PDCD2: variants seen among roughly 807,000 people sequenced by gnomAD.
PDCD2 encodes the protein programmed cell death 2, also known as uS5 assembly chaperone PDCD2.
In PDCD2, 38 loss-of-function variants were observed where a neutral mutation model predicts 38.1. The ratio of observed to expected loss-of-function variants is 1.00; its 90% CI spans 0.77 to 1.31. PDCD2 has a LOEUF of 1.31. Ranked by LOEUF, PDCD2 falls within the 50% of genes most tolerant of loss-of-function variation. PDCD2 has a pLI of 0.00. For missense variants in PDCD2, 473 were observed against 435.7 expected, an observed-to-expected ratio of 1.09 and a Z score of -0.76; for synonymous variants, 205 against 168.9, an observed-to-expected ratio of 1.21 and a Z score of -1.66.
Position 170,583,609 on chromosome 6 carries a change from A to T in PDCD2, c.422T>A (p.Leu141Ter), listed in dbSNP as rs779072921. The change falls in exon 2 of 6, where the codon TTA (leucine) becomes TAA (stop). Residue 141 changes from leucine (L) to a stop codon, truncating the protein, a stop_gained. Coordinates refer to ENST00000541970, the MANE Select transcript of PDCD2 (RefSeq NM_002598.4). LOFTEE classifies it high-confidence loss of function. ...GAHLCRVCGCLGPKTCSRCHK... is the reference protein window; with the variant it reads ...GAHLCRVCGC ...GCATCTGGAGCACGTTTTGGGGCCTAAACAGCCACAAACCCTGCAGAGATG... is the reference window on the plus strand; with the variant it reads ...GCATCTGGAGCACGTTTTGGGGCCTTAACAGCCACAAACCCTGCAGAGATG... 1 of 1,613,996 alleles carries T rather than the reference A, an allele frequency of 6.2e-7. No homozygotes were observed. The highest frequency in any genetic ancestry group is 8.5e-7 in the Non-Finnish European group (1 of 1,179,886).
rs778241526 is a variant in PDCD2, at chr6:170,583,011, G to C, written c.658+46C>G. The stretch of plus-strand genomic sequence containing the variant: ...AGGCACATGGAGCCCTTTCTTCCAA[G>C]TATTATGTTTAACCACTTAATGAAT... On this transcript the variant is annotated intron_variant, in intron 3 of 5. Coordinates refer to ENST00000541970, the MANE Select transcript of PDCD2 (RefSeq NM_002598.4). 31 of 1,586,652 alleles carry C rather than the reference G, an allele frequency of 2.0e-5. 1 individual carries two copies. In the African/African-American group the frequency reaches 3.9e-4, roughly 20 times the overall value.
In PDCD2 at chr6:170,575,684, T is replaced by G. The variant is rs763472894; in HGVS notation, c.*1875A>C. Reference sequence around the variant, plus strand: ...GATGCCAAGTCGGTGCTGTGAGATTTTCTTTCTGGTGATTTGGACCAGTTT... The same window carrying G: ...GATGCCAAGTCGGTGCTGTGAGATTGTCTTTCTGGTGATTTGGACCAGTTT... On this transcript the variant is annotated 3_prime_UTR_variant, in exon 6 of 6. Coordinates refer to ENST00000541970, the MANE Select transcript of PDCD2 (RefSeq NM_002598.4). 6.6e-6 allele frequency: 1 copy of G among 152,256 alleles called. No individual in the cohort carries two copies. The highest frequency in any genetic ancestry group is 2.4e-5 in the African/African-American group (1 of 41,468). 9.4% of individuals were successfully genotyped at this position (152,256 alleles called of 1,614,324 possible). A position where few individuals can be genotyped will look rare whatever the true frequency, so the allele number is the denominator to read the frequency against.
chr6:170,580,368 G>C (rs905197745), intron 3 of PDCD2, among the ~76,000 whole-genome samples: 7 of 152,194 alleles, frequency 4.6e-5, no homozygotes, highest in African/African-American at 1.4e-4. Flanking sequence ...CAACAAATGT[G>C]AGCCCTTATC....
At position 170,575,418 on chromosome 6, in the gene PDCD2, C is replaced by A. The variant is rs1375872006; in HGVS notation, c.*2141G>T. ...CTGCTCTCTACAGCAGAGGGAGCTG[C>A]TGTGGCTGGACAGTATCTGAACCAA... On this transcript the variant is annotated 3_prime_UTR_variant, in exon 6 of 6. Transcript: ENST00000541970. 4 of 152,008 alleles carry A rather than the reference C, an allele frequency of 2.6e-5. No individual in the cohort carries two copies. The highest frequency in any genetic ancestry group is 9.7e-5 in the African/African-American group (4 of 41,368). 9.4% of individuals were successfully genotyped at this position (152,008 alleles called of 1,614,324 possible).
intron 3 of PDCD2, chr6:170,582,418 A>C (rs2115016197): frequency 2.1e-6 from 3 of 1,457,476 alleles, no homozygotes; most frequent in Non-Finnish European, 2.7e-6. Context: ...TCAAGGCTCA[A>C]ATTGTAAAAT....
Position 170,584,284 on chromosome 6 carries a change from C to T in PDCD2, c.283+15G>A. On this transcript the variant is annotated intron_variant, in intron 1 of 5. Coordinates refer to ENST00000541970, the MANE Select transcript of PDCD2 (RefSeq NM_002598.4). Reference sequence around the variant, plus strand: ...CGGAGGCATGGCCCCGTCCCGACCCCGTTTGGCGGCTCACCTCGCAGGCCG... The same window carrying T: ...CGGAGGCATGGCCCCGTCCCGACCCTGTTTGGCGGCTCACCTCGCAGGCCG... The T allele has an allele frequency of 7.1e-7, 1 of 1,414,678 alleles. No individual in the cohort carries two copies. Among genetic ancestry groups the T allele is most frequent in the Non-Finnish European group, 9.2e-7 (1 of 1,088,048 alleles). The allele number at this position is 1,414,678 out of a possible 1,614,324, so 87.6% of individuals were successfully genotyped here.
rs1000566871 is a variant in PDCD2, at chr6:170,578,674, A to G, written c.876+183T>C. 1.1e-5 allele frequency: 8 copies of G among 704,682 alleles called. No homozygotes were observed. In the Admixed American group the frequency reaches 1.6e-4, roughly 14 times the overall value. The allele number at this position is 704,682 out of a possible 1,614,324, so 43.7% of individuals were successfully genotyped here. ...TCTGAAAACTAGGAAACAGAAAAAA[A>G]CAAGACAGTTCCTTCCAGGGAACTA... On this transcript the variant is annotated intron_variant, in intron 5 of 5. Transcript: ENST00000541970.
chr6:170,584,545 A>C lies in PDCD2; in HGVS notation c.37T>G (p.Phe13Val), dbSNP rs548662103. The C allele has an allele frequency of 3.7e-6, 5 of 1,358,612 alleles. No homozygotes were observed. In the African/African-American group the frequency reaches 7.6e-5, roughly 21 times the overall value. 84.2% of individuals were successfully genotyped at this position (1,358,612 alleles called of 1,614,324 possible). A position where few individuals can be genotyped will look rare whatever the true frequency, so the allele number is the denominator to read the frequency against. ...AAGARPVELG[F>V]AESAPAWRLR... Reference sequence around the variant, plus strand: ...CGCCACGCCGGCGCCGACTCGGCGAAGCCCAGCTCCACAGGCCTGGCCCCG... The same window carrying C: ...CGCCACGCCGGCGCCGACTCGGCGACGCCCAGCTCCACAGGCCTGGCCCCG... The change falls in exon 1 of 6, where the codon TTC (phenylalanine) becomes GTC (valine). Residue 13 changes from phenylalanine to valine, a missense_variant. Phe to Val is a conservative substitution (Grantham distance 50, BLOSUM62 -1). Transcript: ENST00000541970.
chr6:170,583,930 C>G lies in PDCD2; in HGVS notation c.284-183G>C, dbSNP rs1779715915. ...CCGGTACACGCAACTGAGTTGCCTC[C>G]TAGAGGTGGTTTGAGTTAATCAAAT... On this transcript the variant is annotated intron_variant, in intron 1 of 5. Transcript: ENST00000541970. 3 of 611,506 alleles carry G rather than the reference C, an allele frequency of 4.9e-6. No homozygotes were observed. In the African/African-American group the frequency reaches 5.6e-5, roughly 11 times the overall value. 37.9% of individuals were successfully genotyped at this position (611,506 alleles called of 1,614,324 possible). A position where few individuals can be genotyped will look rare whatever the true frequency, so the allele number is the denominator to read the frequency against.
rs558869323 is a variant in PDCD2, at chr6:170,575,627, T to C, written c.*1932A>G. Reference sequence around the variant, plus strand: ...TTTAAATTTTTTATGTTGTACAGTTTATTTTAAATATAGTTGCTATTTTTT... The same window carrying C: ...TTTAAATTTTTTATGTTGTACAGTTCATTTTAAATATAGTTGCTATTTTTT... On this transcript the variant is annotated 3_prime_UTR_variant, in exon 6 of 6. Coordinates refer to ENST00000541970, the MANE Select transcript of PDCD2 (RefSeq NM_002598.4). 3.9e-5 allele frequency: 6 copies of C among 152,330 alleles called. No homozygotes were observed. The East Asian group carries it at 1.2e-3, about 29-fold the overall frequency. The allele number at this position is 152,330 out of a possible 1,614,324, so 9.4% of individuals were successfully genotyped here.
chr6:170,583,584 G>A lies in PDCD2; in HGVS notation c.447C>T (p.Cys149=), dbSNP rs561949385. The A allele has an allele frequency of 2.5e-5, 40 of 1,613,860 alleles. No individual in the cohort carries two copies. In the South Asian group the frequency reaches 4.1e-4, roughly 16 times the overall value. Residue 149 remains cysteine, a synonymous_variant, in exon 2 of 6, where the codon TGC becomes TGT. Transcript: ENST00000541970. ...GCLGPKTCSR[C]HKAYYCSKEH... ...CCTTGCTGCAGTAATATGCTTTGTG[G>A]CATCTGGAGCACGTTTTGGGGCCTA...
intron 1 of PDCD2, 134 bp from the exon 2 acceptor site, chr6:170,583,881 T>C: frequency 2.6e-6 from 2 of 765,738 alleles, no homozygotes; most frequent in Non-Finnish European, 4.1e-6. Flanking sequence ...AATAAGCTTT[T>C]AAAATCCAGA....
At chr6:170,578,265 C>T (rs1779499691) in intron 5 of PDCD2, among the ~76,000 whole-genome samples, 1 of 152,124 alleles carries the variant, frequency 6.6e-6, no homozygotes, top group African/African-American at 2.4e-5. Context: ...GTGTATGGTC[C>T]TCATAATTCC....
Position 170,583,165 on chromosome 6 carries a change from C to T in PDCD2, c.550G>A (p.Asp184Asn), listed in dbSNP as rs1276804074. ...QPDHLDHIIP[D>N]HNFLFPEFEI... is the part of the protein sequence containing the mutation. ...AATTCTGGAAAAAGGAAGTTGTGGT[C>T]TGGAATTATATGGTCCAGATGATCT... The change falls in exon 3 of 6, where the codon GAC (aspartate) becomes AAC (asparagine). Residue 184 changes from aspartate (D) to asparagine (N), a missense_variant. Transcript: ENST00000541970. The T allele has an allele frequency of 1.2e-6, 2 of 1,611,018 alleles. No homozygotes were observed. Among genetic ancestry groups the T allele is most frequent in the South Asian group, 2.2e-5 (2 of 90,862 alleles).
Position 170,584,369 on chromosome 6 carries a change from G to C in PDCD2, c.213C>G (p.Arg71=), listed in dbSNP as rs1381896281. Residue 71 remains arginine (R), a synonymous_variant, in exon 1 of 6, where the codon CGC becomes CGG. Transcript: ENST00000541970. ...AGATGCAGCGGTGGAAGGCGTCCGG[G>C]CGGCCAGGCAGCGGCGCATACACCT... ...LLQVYAPLPG[R]PDAFHRCIFL... 2.0e-6 allele frequency: 3 copies of C among 1,495,614 alleles called. No individual in the cohort carries two copies. The African/African-American group carries it at 4.3e-5, about 22-fold the overall frequency. The allele number at this position is 1,495,614 out of a possible 1,614,324, so 92.6% of individuals were successfully genotyped here. A position where few individuals can be genotyped will look rare whatever the true frequency, so the allele number is the denominator to read the frequency against.
intron 1 of PDCD2, 142 bp from the exon 2 acceptor site, chr6:170,583,889 A>C: frequency 1.4e-6 from 1 of 739,178 alleles, no homozygotes; most frequent in Admixed American, 2.9e-5. Flanking sequence ...TTTAAAATCC[A>C]GAAACTAGAT....
chr6:170,582,012 C>A (rs1006986162), intron 3 of PDCD2: 1 of 1,132,292 alleles, frequency 8.8e-7, no homozygotes. Context: ...CAGCTTTCAT[C>A]CTTGATCCTG....
Position 170,578,900 on chromosome 6 carries a change from A to T in PDCD2, c.833T>A (p.Ile278Asn), listed in dbSNP as rs1469953913. 6.2e-7 allele frequency: 1 copy of T among 1,610,596 alleles called. No homozygotes were observed. The highest frequency in any genetic ancestry group is 8.5e-7 in the Non-Finnish European group (1 of 1,178,564). ...SGENIPQEKD[I>N]PDCPCGAKRI... ...CTTGGCACCACAGGGGCAATCTGGA[A>T]TATCCTTTTCTTGAGGAATATTTTC... The change falls in exon 5 of 6, where the codon ATT becomes AAT. Residue 278 changes from isoleucine (I) to asparagine (N), a missense_variant. Physicochemically the swap from Ile to Asn is moderately radical, Grantham distance 149. Coordinates refer to ENST00000541970, the MANE Select transcript of PDCD2 (RefSeq NM_002598.4).
chr6:170,582,879 A>G, intron 3 of PDCD2, 178 bp downstream of exon 3: 1 of 1,421,580 alleles, frequency 7.0e-7, no homozygotes, highest in Non-Finnish European at 9.1e-7. Flanking sequence ...CACACCTCTT[A>G]TGTGTCAGAA....
Sources: gnomAD v4.1 joint callset for allele counts (sites outside exome capture counted in the v4.1 genomes callset) on GRCh38, gnomAD v4.1.1 for gene constraint, MANE v1.5 for transcripts, NCBI Gene and HGNC (gene_info 2026-07-23, HGNC 2026-07-21) for gene names.